Variants in SMARCAL1 observed in about 807,000 individuals in gnomAD.
The protein encoded by SMARCAL1 is SNF2 related chromatin remodeling annealing helicase 1, also known as ATP-driven annealing helicase.
In SMARCAL1, 58 loss-of-function variants were observed where a neutral mutation model predicts 94.5. That is an observed-to-expected ratio of 0.61 (90% CI 0.50 to 0.76). The LOEUF (loss-of-function observed/expected upper bound fraction) is 0.76, where lower values mean the gene tolerates loss of function less well. SMARCAL1 is among the 30% of genes least tolerant of loss of function. The pLI, the probability that SMARCAL1 is intolerant of heterozygous loss-of-function variation, is 0.00. For missense variants in SMARCAL1, 1,051 were observed against 1,177.9 expected (o/e 0.89, Z 1.58); for synonymous variants, 422 against 455.1 (o/e 0.93, Z 0.93).
At chr2:216,470,707 T>G (rs564304830) in intron 14 of SMARCAL1, among the ~76,000 whole-genome samples, 2 of 152,022 alleles carry the variant, frequency 1.3e-5, no homozygotes, top group East Asian at 1.9e-4. Context: ...CAGGCTTGTC[T>G]AGAACTGGGC....
In SMARCAL1 at chr2:216,463,702, C is replaced by G. The variant is rs138326650; in HGVS notation, c.2071-895C>G. Among the ~76,000 whole-genome samples, 56 of 152,216 alleles carry G rather than the reference C, an allele frequency of 3.7e-4. No individual in the cohort carries two copies. In the East Asian group the frequency reaches 0.011, roughly 29 times the overall value. On this transcript the variant is annotated intron_variant, in intron 12 of 17. Coordinates refer to ENST00000357276, the MANE Select transcript of SMARCAL1 (RefSeq NM_014140.4). ...TTTCTTCTTCTGGGAAGTTAATTAC[C>G]TTATGTGGGAGGTATACCAAGAACA...
At chr2:216,430,013 C>T (rs1477235000) in intron 7 of SMARCAL1, among the ~76,000 whole-genome samples, 1 of 152,144 alleles carries the variant, frequency 6.6e-6, no homozygotes, top group Non-Finnish European at 1.5e-5. Context: ...AGCCCCACCC[C>T]CTGGGCAGCC....
Position 216,436,835 on chromosome 2 carries a change from A to G in SMARCAL1, c.1644+1339A>G, listed in dbSNP as rs112032161. On this transcript the variant is annotated intron_variant, in intron 9 of 17. Coordinates refer to ENST00000357276, the MANE Select transcript of SMARCAL1 (RefSeq NM_014140.4). ...GCTTTATCTTTTATCCTTGTGAATTATCCATTTCACAGCTGATGAAACTGG... is the reference window on the plus strand; with the variant it reads ...GCTTTATCTTTTATCCTTGTGAATTGTCCATTTCACAGCTGATGAAACTGG... Among the ~76,000 whole-genome samples, 423 of 152,326 alleles carry G rather than the reference A, an allele frequency of 2.8e-3. 5 individuals are homozygous for G. The highest frequency in any genetic ancestry group is 0.026 in the East Asian group (134 of 5,188).
chr2:216,466,808 T>G (rs762860335), intron 13 of SMARCAL1, among the ~76,000 whole-genome samples: 1 of 152,180 alleles, frequency 6.6e-6, no homozygotes, highest in Non-Finnish European at 1.5e-5. Context: ...TCAAAATAAT[T>G]AAAGTAAATT....
chr2:216,482,798 G>C lies in SMARCAL1; in HGVS notation c.2686G>C (p.Asp896His). The change falls in exon 18 of 18, where the codon GAT becomes CAT. Residue 896 changes from aspartate (D) to histidine (H), a missense_variant. By Grantham distance (81) the Asp-to-His change is moderately conservative. This residue lies in a region of SMARCAL1 where 642 missense variants were observed against 754.7 expected (regional missense o/e 0.85). Coordinates refer to ENST00000357276, the MANE Select transcript of SMARCAL1 (RefSeq NM_014140.4). The surrounding 1 kb of genome is among the most constrained non-coding windows in gnomAD (Gnocchi z 4.3). ...FQKSFEKEGS[D>H]MELLEAAESF... ...GAAGTCCTTTGAGAAAGAAGGAAGT[G>C]ATATGGAGCTCCTGGAAGCAGCAGA... is the stretch of plus-strand genomic sequence containing the variant. 1 of 1,614,174 alleles carries C rather than the reference G, an allele frequency of 6.2e-7. No individual in the cohort carries two copies. Among genetic ancestry groups the C allele is most frequent in the Admixed American group, 1.7e-5 (1 of 60,024 alleles).
intron 12 of SMARCAL1, among the ~76,000 whole-genome samples, chr2:216,454,134 T>G (rs1289889179): frequency 6.6e-6 from 1 of 152,212 alleles, no homozygotes; most frequent in Admixed American, 6.5e-5. Context: ...GTAGAAAAAT[T>G]TAAAAACTCC....
intron 12 of SMARCAL1, among the ~76,000 whole-genome samples, chr2:216,452,170 AAAC>A (rs1282338563): frequency 2.0e-5 from 3 of 152,196 alleles, no homozygotes; most frequent in African/African-American, 7.2e-5. Context: ...TTTCAAACTT[AAAC>A]AACATCGATG....
intron 17 of SMARCAL1, among the ~76,000 whole-genome samples, chr2:216,481,866 A>G: frequency 6.6e-6 from 1 of 152,190 alleles, no homozygotes; most frequent in East Asian, 1.9e-4. Flanking sequence ...CAGTGGAGAT[A>G]TGGAAAATAT....
intron 3 of SMARCAL1, chr2:216,415,889 CA>C: frequency 5.0e-6 from 2 of 398,344 alleles, no homozygotes; most frequent in Non-Finnish European, 9.4e-6. Context: ...GGCCCAGTTT[CA>C]TTGGTCTGGA....
intron 4 of SMARCAL1, among the ~76,000 whole-genome samples, chr2:216,417,658 A>G (rs1366205438): frequency 6.6e-6 from 1 of 152,236 alleles, no homozygotes; most frequent in East Asian, 1.9e-4. Context: ...GAGGGACACA[A>G]TTCAACCCAT....
chr2:216,419,203 A>G (rs1693663006), intron 4 of SMARCAL1, among the ~76,000 whole-genome samples: 1 of 152,242 alleles, frequency 6.6e-6, no homozygotes, highest in Non-Finnish European at 1.5e-5. Context: ...ATTCCCAACT[A>G]GCAATATGGA....
intron 3 of SMARCAL1, chr2:216,415,890 AT>A: frequency 2.6e-6 from 1 of 383,986 alleles, no homozygotes; most frequent in Admixed American, 4.0e-5. Flanking sequence ...GCCCAGTTTC[AT>A]TGGTCTGGAA....
chr2:216,435,223 G>A (rs527771831), intron 8 of SMARCAL1, 115 bp from the exon 9 acceptor site: 7 of 1,107,740 alleles, frequency 6.3e-6, no homozygotes, highest in Non-Finnish European at 9.4e-6. Context: ...GGCACAGGTA[G>A]GTGAGAGGAA....
Position 216,421,374 on chromosome 2 carries a change from C to T in SMARCAL1, c.1096+842C>T, listed in dbSNP as rs370841881. ...GTGCAGTGGCGCAATCTTGGCTCAC[C>T]GCAACCTCTGCCTCCCGGGTTCAAG... is the stretch of plus-strand genomic sequence containing the variant. On this transcript the variant is annotated intron_variant, in intron 5 of 17. Coordinates refer to ENST00000357276, the MANE Select transcript of SMARCAL1 (RefSeq NM_014140.4). Among the ~76,000 whole-genome samples, 10 of 152,144 alleles carry T rather than the reference C, an allele frequency of 6.6e-5. No individual in the cohort carries two copies. The East Asian group carries it at 1.5e-3, about 24-fold the overall frequency.
At chr2:216,439,356 G>A (rs963985910) in intron 10 of SMARCAL1, among the ~76,000 whole-genome samples, 4 of 151,430 alleles carry the variant, frequency 2.6e-5, no homozygotes, top group African/African-American at 4.9e-5. Context: ...TCCTATTATT[G>A]TAAGAGGGAA....
In SMARCAL1 at chr2:216,416,168, G is replaced by A. The variant is rs75546339; in HGVS notation, c.812-89G>A. On this transcript the variant is annotated intron_variant, in intron 3 of 17. Transcript: ENST00000357276. ...GCTGGTCAGCTGTTTTGAACTTGGC[G>A]TCCTTCATTCATTCATTTAGAAGAC... 4.4e-3 allele frequency: 4,877 copies of A among 1,112,584 alleles called. 162 individuals are homozygous for A. In the African/African-American group the frequency reaches 0.065, roughly 15 times the overall value. The allele number at this position is 1,112,584 out of a possible 1,614,324, so 68.9% of individuals were successfully genotyped here.
intron 10 of SMARCAL1, among the ~76,000 whole-genome samples, chr2:216,441,697 AG>A: frequency 6.6e-6 from 1 of 152,208 alleles, no homozygotes; most frequent in Non-Finnish European, 1.5e-5. Flanking sequence ...CAGAATTGCC[AG>A]GTCAGTTTTC....
rs571376808 is a variant in SMARCAL1 at position 216,431,199 on chromosome 2, G to A, written c.1335-1519G>A. 2.4e-4 allele frequency among the ~76,000 whole-genome samples: 36 copies of A among 152,352 alleles called. 1 individual carries two copies. Among genetic ancestry groups the A allele is most frequent in the Middle Eastern group, 6.8e-3 (2 of 294 alleles). ...TGCCCAGTTTTCCATCTTTGGAAACGGTGTTTCCAGGCAATTCAGAAAGGG... is the reference window on the plus strand; with the variant it reads ...TGCCCAGTTTTCCATCTTTGGAAACAGTGTTTCCAGGCAATTCAGAAAGGG... On this transcript the variant is annotated intron_variant, in intron 7 of 17. Coordinates refer to ENST00000357276, the MANE Select transcript of SMARCAL1 (RefSeq NM_014140.4).
At chr2:216,473,275 A>G (rs1488598580) in intron 14 of SMARCAL1, among the ~76,000 whole-genome samples, 2 of 152,130 alleles carry the variant, frequency 1.3e-5, no homozygotes, top group East Asian at 3.8e-4. Context: ...AATGTGGAGA[A>G]AAGGACATTC....
Sources: gnomAD v4.1 joint callset for allele counts (sites outside exome capture counted in the v4.1 genomes callset) on GRCh38, gnomAD v4.1.1 for gene constraint, gnomAD v4.1.1 regional missense constraint, Gnocchi (gnomAD v3.1) non-coding constraint, MANE v1.5 for transcripts, NCBI Gene and HGNC (gene_info 2026-07-23, HGNC 2026-07-21) for gene names.